Variants in EFHC1 observed in about 807,000 individuals in gnomAD.
The protein encoded by EFHC1 is EF-hand domain-containing protein 1.
A neutral mutation model predicts 69.9 loss-of-function variants in EFHC1; 53 were observed. That is an observed-to-expected ratio of 0.76 (90% CI 0.61 to 0.95). The LOEUF (loss-of-function observed/expected upper bound fraction) is 0.95, where lower values mean the gene tolerates loss of function less well. Ranked by LOEUF, EFHC1 falls within the 40% of genes least tolerant of loss-of-function variation. EFHC1 has a pLI of 0.00. For synonymous variants in EFHC1, 256 were observed against 278.4 expected (o/e 0.92, Z 0.80); for missense variants, 739 against 798.7 (o/e 0.93, Z 0.90).
At chr6:52,491,107 T>A (rs1765893393) in intron 10 of EFHC1, 1 of 152,172 alleles carries the variant, frequency 6.6e-6, no homozygotes, top group Admixed American at 6.5e-5. Flanking sequence ...GTGACTAGGT[T>A]GGAGATGAGG....
Position 52,457,958 on chromosome 6 carries a change from A to G in EFHC1, c.916+3671A>G, listed in dbSNP as rs549648040. ...ACCATGCTAGGCAATGGAGATCTGA[A>G]ACTACTATAAGCCCCATATCTCAAA... On this transcript the variant is annotated intron_variant, in intron 5 of 10. Transcript: ENST00000371068. Among the ~76,000 whole-genome samples the G allele has an allele frequency of 2.0e-5, 3 of 152,344 alleles. No homozygotes were observed. The East Asian group carries it at 5.8e-4, about 29-fold the overall frequency.
intron 1 of EFHC1, 29 bp downstream of exon 1, chr6:52,420,502 T>C (rs892316114): frequency 6.2e-7 from 1 of 1,614,046 alleles, no homozygotes; most frequent in African/African-American, 1.3e-5. Context: ...GACTCCCACC[T>C]GTCCCCACCT....
At chr6:52,489,958 G>A (rs1046093498) in intron 9 of EFHC1, among the ~76,000 whole-genome samples, 182 bp from the exon 10 acceptor site, 9 of 152,130 alleles carry the variant, frequency 5.9e-5, no homozygotes, top group Non-Finnish European at 1.2e-4. Context: ...GCCCCCAGTC[G>A]GGCCTTCCTG....
At chr6:52,455,411 T>C (rs1765021553) in intron 5 of EFHC1, among the ~76,000 whole-genome samples, 1 of 152,094 alleles carries the variant, frequency 6.6e-6, no homozygotes, top group African/African-American at 2.4e-5. Flanking sequence ...TCCCAGCACT[T>C]TGGGAGGCCA....
chr6:52,462,847 C>T (rs1765201085), intron 5 of EFHC1, among the ~76,000 whole-genome samples: 1 of 142,114 alleles, frequency 7.0e-6, no homozygotes, highest in Non-Finnish European at 1.5e-5. Context: ...GAGATTGTGC[C>T]AGTGCACTCC....
At chr6:52,447,613 G>A (rs373496006) in intron 3 of EFHC1, among the ~76,000 whole-genome samples, 7 of 152,302 alleles carry the variant, frequency 4.6e-5, no homozygotes, top group African/African-American at 1.2e-4. Context: ...CATTGCTGGC[G>A]AGGAGCTGCG....
chr6:52,452,936 A>G, intron 4 of EFHC1, 99 bp downstream of exon 4: 1 of 1,602,756 alleles, frequency 6.2e-7, no homozygotes, highest in Non-Finnish European at 8.5e-7. Flanking sequence ...ACTATTTTGA[A>G]ACATTACAGC....
chr6:52,446,210 T>C (rs2113986751), intron 3 of EFHC1, among the ~76,000 whole-genome samples: 1 of 152,336 alleles, frequency 6.6e-6, no homozygotes, highest in East Asian at 1.9e-4. Context: ...TCTTTGTATG[T>C]CACTAAGGAC....
At chr6:52,434,472 G>A (rs1406729871) in intron 2 of EFHC1, among the ~76,000 whole-genome samples, 3 of 152,164 alleles carry the variant, frequency 2.0e-5, no homozygotes, top group Non-Finnish European at 2.9e-5. Context: ...GGGGGTGTGT[G>A]TTCGGGGACA....
chr6:52,433,702 T>TG (rs1764464859), intron 2 of EFHC1, among the ~76,000 whole-genome samples: 1 of 152,092 alleles, frequency 6.6e-6, no homozygotes, highest in Non-Finnish European at 1.5e-5. Flanking sequence ...TGTGGTAGTA[T>TG]GGGGGGAACA....
At chr6:52,491,529 CAACTAAAAGTGCTTTTATAA>C (rs1765904379) in intron 10 of EFHC1, among the ~76,000 whole-genome samples, 1 of 150,976 alleles carries the variant, frequency 6.6e-6, no homozygotes, top group African/African-American at 2.4e-5. Flanking sequence ...AATATAAAAA[CAACTAAAAGTGCTTTTATAA>C]ATATGGATGT....
intron 2 of EFHC1, among the ~76,000 whole-genome samples, 170 bp from the exon 3 acceptor site, chr6:52,438,134 G>C (rs1764574518): frequency 6.6e-6 from 1 of 152,136 alleles, no homozygotes; most frequent in Non-Finnish European, 1.5e-5. Flanking sequence ...TTGTCCCATG[G>C]ACTATAGTTT....
chr6:52,465,868 A>G lies in EFHC1; in HGVS notation c.1137+753A>G, dbSNP rs1256853979. On this transcript the variant is annotated intron_variant, in intron 6 of 10. Coordinates refer to ENST00000371068, the MANE Select transcript of EFHC1 (RefSeq NM_018100.4). ...ATATATATAATATCTATCTATATAT[A>G]TATTATAAATCATATTGTTTATAAT... is the stretch of plus-strand genomic sequence containing the variant. 2.7e-5 allele frequency among the ~76,000 whole-genome samples: 4 copies of G among 148,288 alleles called. No homozygotes were observed. In the East Asian group the frequency reaches 7.8e-4, roughly 29 times the overall value.
rs776734177 is a variant in EFHC1, at chr6:52,452,776, G to GT, written c.663dup (p.Lys222Ter). The GT allele has an allele frequency of 1.9e-6, 3 of 1,614,130 alleles. No homozygotes were observed. In the Admixed American group the frequency reaches 5.0e-5, roughly 27 times the overall value. On this transcript the variant is annotated frameshift_variant, in exon 4 of 11. Coordinates refer to ENST00000371068, the MANE Select transcript of EFHC1 (RefSeq NM_018100.4). LOFTEE classifies it high-confidence loss of function. The stretch of plus-strand genomic sequence containing the variant: ...ACTGAACTCCGAAAACAGCCTCTTC[G>GT]TAAGTATGTCACCCCATCAGACTTT...
At chr6:52,478,887 A>T (rs1156885492) in intron 7 of EFHC1, 150 bp from the exon 8 acceptor site, 2 of 733,648 alleles carry the variant, frequency 2.7e-6, no homozygotes, top group Non-Finnish European at 4.5e-6. Flanking sequence ...TCCCAGAGAC[A>T]CCAGAGTTTC....
intron 3 of EFHC1, among the ~76,000 whole-genome samples, chr6:52,441,757 G>A (rs1418910147): frequency 6.6e-6 from 1 of 152,114 alleles, no homozygotes; most frequent in African/African-American, 2.4e-5. Flanking sequence ...TCATTTGCTT[G>A]TGTTATCTCT....
Position 52,464,915 on chromosome 6 carries a change from C to A in EFHC1, c.937C>A (p.Leu313Ile). 6.2e-7 allele frequency: 1 copy of A among 1,614,024 alleles called. No individual in the cohort carries two copies. The highest frequency in any genetic ancestry group is 8.5e-7 in the Non-Finnish European group (1 of 1,179,910). ...ATTAGAGAACTTCCCTCAGTGTGTG[C>A]TAGAAATCTCTGACCAAGAAGTGTT... Reference protein sequence around the residue: ...ENAKNFPQCVLEISDQEVLEW... With the variant: ...ENAKNFPQCVIEISDQEVLEW... The change falls in exon 6 of 11, where the codon CTA (leucine) becomes ATA (isoleucine). Residue 313 changes from leucine to isoleucine, a missense_variant. Leu to Ile is a conservative substitution (Grantham distance 5). Transcript: ENST00000371068.
At chr6:52,425,695 G>C (rs746672149) in intron 2 of EFHC1, among the ~76,000 whole-genome samples, 14 of 152,064 alleles carry the variant, frequency 9.2e-5, no homozygotes, top group South Asian at 2.1e-4. Flanking sequence ...AGATAATGGG[G>C]TAGAGAGAAG....
intron 3 of EFHC1, among the ~76,000 whole-genome samples, chr6:52,439,552 A>C (rs1764613219): frequency 2.0e-5 from 3 of 152,180 alleles, no homozygotes; most frequent in Admixed American, 2.0e-4. Flanking sequence ...GCCCCTATAG[A>C]GGTTCCAATC....
Sources: allele counts gnomAD v4.1 joint callset (sites outside exome capture counted in the v4.1 genomes callset), GRCh38; gene constraint gnomAD v4.1.1; transcripts MANE v1.5; gene names NCBI Gene and HGNC (gene_info 2026-07-23, HGNC 2026-07-21).